The following SLC17A5 variants were observed in gnomAD, a reference collection of about 807,000 sequenced individuals.
SLC17A5 encodes the protein sialin.
In SLC17A5, 47 loss-of-function variants were observed where a neutral mutation model predicts 59.4. The observed-to-expected ratio is 0.79, with a 90% CI of 0.63 to 1.01. The LOEUF is 1.01. Ranked by LOEUF, SLC17A5 falls within the 50% of genes least tolerant of loss-of-function variation. The pLI, the probability that SLC17A5 is intolerant of heterozygous loss-of-function variation, is 0.00. For missense variants in SLC17A5, 522 were observed against 595.5 expected (o/e 0.88, Z 1.28); for synonymous variants, 202 against 210.7 (o/e 0.96, Z 0.36).
chr6:73,595,290 AAG>A lies in SLC17A5; in HGVS notation c.1351-78_1351-77del, dbSNP rs1197007425. ...CACTTCATTAAAAAGATAGTGTCACAAGAGTGTTAAAACAGCCACATTATTCA... is the reference window on the plus strand; with the variant it reads ...CACTTCATTAAAAAGATAGTGTCACAAGTGTTAAAACAGCCACATTATTCA... On this transcript the variant is annotated intron_variant, in intron 10 of 10. Transcript: ENST00000355773. The A allele has an allele frequency of 2.0e-6, 3 of 1,518,008 alleles. No homozygotes were observed. In the African/African-American group the frequency reaches 4.3e-5, roughly 22 times the overall value. 94.0% of individuals were successfully genotyped at this position (1,518,008 alleles called of 1,614,324 possible). A position where few individuals can be genotyped will look rare whatever the true frequency, so the allele number is the denominator to read the frequency against.
At chr6:73,626,655 A>G (rs1428345910) in intron 6 of SLC17A5, among the ~76,000 whole-genome samples, 1 of 152,248 alleles carries the variant, frequency 6.6e-6, no homozygotes, top group East Asian at 1.9e-4. Context: ...CACATTGTCC[A>G]CAGGGTAACC....
At chr6:73,602,019 T>C (rs1217267868) in intron 9 of SLC17A5, among the ~76,000 whole-genome samples, 2 of 151,940 alleles carry the variant, frequency 1.3e-5, no homozygotes, top group African/African-American at 2.4e-5. Context: ...GGGGAAAAGA[T>C]TGAGAAATCG....
In SLC17A5 at chr6:73,612,300, C is replaced by T. The variant is rs186844670; in HGVS notation, c.1112-1753G>A. Among the ~76,000 whole-genome samples, 12 of 152,092 alleles carry T rather than the reference C, an allele frequency of 7.9e-5. No homozygotes were observed. In the East Asian group the frequency reaches 2.3e-3, roughly 29 times the overall value. On this transcript the variant is annotated intron_variant, in intron 8 of 10. Transcript: ENST00000355773. ...GCCTCGGCCTCCTGAATAGCTGGGA[C>T]AGCCACACACCACCACGCCAAGCTA...
chr6:73,615,178 T>C lies in SLC17A5; in HGVS notation c.1111+137A>G, dbSNP rs615956. 418,225 of 945,154 alleles carry C rather than the reference T, an allele frequency of 0.44. 95,119 individuals carry two copies. Among genetic ancestry groups the C allele is most frequent in the African/African-American group, 0.58 (35,688 of 61,138 alleles). 58.5% of individuals were successfully genotyped at this position (945,154 alleles called of 1,614,324 possible). A position where few individuals can be genotyped will look rare whatever the true frequency, so the allele number is the denominator to read the frequency against. On this transcript the variant is annotated intron_variant, in intron 8 of 10. Transcript: ENST00000355773. The stretch of plus-strand genomic sequence containing the variant: ...AAATCCCCACAAACATTTTGGTGAT[T>C]AGAGCGAGGTGTTCTGTGTTGAGTA...
intron 7 of SLC17A5, among the ~76,000 whole-genome samples, chr6:73,619,352 G>A (rs1427848869): frequency 1.4e-5 from 2 of 140,350 alleles, no homozygotes; most frequent in Non-Finnish European, 3.0e-5. Flanking sequence ...TGCAATAAAA[G>A]GAGGCATGCC....
At chr6:73,633,155 C>G (rs1323588555) in intron 6 of SLC17A5, among the ~76,000 whole-genome samples, 4 of 148,812 alleles carry the variant, frequency 2.7e-5, no homozygotes, top group African/African-American at 1.0e-4. Context: ...CCAGCTAAAA[C>G]TTTCTTTTTT....
Position 73,653,373 on chromosome 6 carries a change from C to T in SLC17A5, c.94+420G>A, listed in dbSNP as rs1307881669. 4.1e-6 allele frequency: 4 copies of T among 985,298 alleles called. No individual in the cohort carries two copies. The African/African-American group carries it at 7.0e-5, about 17-fold the overall frequency. The allele number at this position is 985,298 out of a possible 1,614,324, so 61.0% of individuals were successfully genotyped here. On this transcript the variant is annotated intron_variant, in intron 1 of 10. Coordinates refer to ENST00000355773, the MANE Select transcript of SLC17A5 (RefSeq NM_012434.5). ...TTTCTCCTCCAGTTTGCTCTTACACCGGGGTCCTCCGCTCGGACCTTAGCC... is the reference window on the plus strand; with the variant it reads ...TTTCTCCTCCAGTTTGCTCTTACACTGGGGTCCTCCGCTCGGACCTTAGCC...
At chr6:73,610,896 A>C (rs1767613560) in intron 8 of SLC17A5, among the ~76,000 whole-genome samples, 1 of 152,234 alleles carries the variant, frequency 6.6e-6, no homozygotes, top group Admixed American at 6.5e-5. Flanking sequence ...TAAAATACAT[A>C]TAACCAAAGG....
intron 6 of SLC17A5, among the ~76,000 whole-genome samples, chr6:73,625,022 A>C (rs961449510): frequency 6.6e-6 from 1 of 152,124 alleles, no homozygotes; most frequent in Admixed American, 6.6e-5. Context: ...TTTTTCTCAA[A>C]AGCAAGAGCA....
intron 6 of SLC17A5, among the ~76,000 whole-genome samples, chr6:73,629,067 T>C (rs966602945): frequency 6.6e-6 from 1 of 152,122 alleles, no homozygotes; most frequent in Admixed American, 6.6e-5. Flanking sequence ...CTAAAAGGCA[T>C]AAAGGAGAAG....
intron 6 of SLC17A5, among the ~76,000 whole-genome samples, chr6:73,632,866 C>T (rs1374117738): frequency 1.3e-5 from 2 of 149,336 alleles, no homozygotes; most frequent in Non-Finnish European, 1.5e-5. Context: ...AATGACAAAA[C>T]ATATCAAGTT....
intron 7 of SLC17A5, among the ~76,000 whole-genome samples, chr6:73,620,189 C>A (rs1768078069): frequency 6.6e-6 from 1 of 152,148 alleles, no homozygotes; most frequent in Non-Finnish European, 1.5e-5. Flanking sequence ...TCCCAAAGTG[C>A]TGGTATTACA....
At chr6:73,632,745 G>C (rs1768807638) in intron 6 of SLC17A5, among the ~76,000 whole-genome samples, 1 of 151,386 alleles carries the variant, frequency 6.6e-6, no homozygotes, top group African/African-American at 2.4e-5. Context: ...CCTGGCCAAG[G>C]GAAAGCTTTT....
intron 7 of SLC17A5, among the ~76,000 whole-genome samples, chr6:73,616,762 C>A (rs1423514778): frequency 6.6e-6 from 1 of 152,010 alleles, no homozygotes; most frequent in African/African-American, 2.4e-5. Context: ...GCGTGTGTCA[C>A]CACGCCCGGC....
chr6:73,597,478 A>AAAACAAAAC (rs1189544116), intron 10 of SLC17A5, among the ~76,000 whole-genome samples: 2 of 150,374 alleles, frequency 1.3e-5, no homozygotes, highest in Non-Finnish European at 3.0e-5. Context: ...AAAACAAAAC[A>AAAACAAAAC]AAACAAAACA....
rs550209703 is a variant in SLC17A5 at position 73,620,896 on chromosome 6, G to T, written c.978+908C>A. ...GCCACCATGCCCGGTTAATTTTTTT[G>T]TGTGTTTTTAGTAGAGACGGTTTTG... On this transcript the variant is annotated intron_variant, in intron 7 of 10. Transcript: ENST00000355773. Among the ~76,000 whole-genome samples, 6 of 151,804 alleles carry T rather than the reference G, an allele frequency of 4.0e-5. No individual in the cohort carries two copies. In the East Asian group the frequency reaches 1.2e-3, roughly 29 times the overall value.
intron 6 of SLC17A5, among the ~76,000 whole-genome samples, chr6:73,624,960 A>G (rs1322847454): frequency 6.6e-6 from 1 of 152,128 alleles, no homozygotes; most frequent in Admixed American, 6.6e-5. Context: ...CTTGGATACC[A>G]CTGATATTTA....
At chr6:73,645,236 A>G (rs1366154445) in intron 1 of SLC17A5, 1 of 769,724 alleles carries the variant, frequency 1.3e-6, no homozygotes, top group Non-Finnish European at 1.6e-6. Context: ...GCATAGCAAA[A>G]AAAATTTACT....
intron 1 of SLC17A5, among the ~76,000 whole-genome samples, chr6:73,650,940 A>C (rs1455743413): frequency 6.6e-6 from 1 of 152,216 alleles, no homozygotes; most frequent in East Asian, 1.9e-4. Flanking sequence ...CATGACGGTA[A>C]TTAAGACAGA....
Sources: allele counts gnomAD v4.1 joint callset (sites outside exome capture counted in the v4.1 genomes callset), GRCh38; gene constraint gnomAD v4.1.1; transcripts MANE v1.5; gene names NCBI Gene and HGNC (gene_info 2026-07-23, HGNC 2026-07-21).